The following EFHB variants were observed in gnomAD, a reference collection of about 807,000 sequenced individuals.
EFHB encodes the protein EF-hand domain family member B, also known as EF-hand domain-containing family member B.
Under a neutral mutation model 87.2 loss-of-function variants are expected in EFHB, and 91 were observed. The observed-to-expected ratio is 1.04, with a 90% confidence interval of 0.88 to 1.24. The LOEUF is 1.24. Ranked by LOEUF, EFHB falls within the 50% of genes most tolerant of loss-of-function variation. The pLI, the probability that EFHB is intolerant of heterozygous loss-of-function variation, is 0.00. For synonymous variants in EFHB, 325 were observed against 333.6 expected (o/e 0.97, Z 0.28); for missense variants, 1,084 against 998.8 (o/e 1.09, Z -1.15).
At chr3:19,926,948 C>T (rs1695652491) in intron 1 of EFHB, among the ~76,000 whole-genome samples, 1 of 152,224 alleles carries the variant, frequency 6.6e-6, no homozygotes, top group Non-Finnish European at 1.5e-5. Flanking sequence ...GCATGAGCCA[C>T]CCCGCCCGGA....
intron 5 of EFHB, among the ~76,000 whole-genome samples, chr3:19,913,138 T>C (rs572059691): frequency 6.6e-6 from 1 of 152,248 alleles, no homozygotes; most frequent in South Asian, 2.1e-4. Flanking sequence ...GAACCCCAGC[T>C]AGTATGATAC....
At position 19,888,586 on chromosome 3, in the gene EFHB, T is replaced by C; in HGVS notation, c.1791A>G (p.Leu597=). ...ATAGCTGGTCCAGGAGCTTGTCATC[T>C]AAACTCAAGTTGGCCTGGTCACAAG... ...QEACDQANLS[L]DDKLLDQLFD... The change falls in exon 10 of 13, where the codon TTA becomes TTG. Residue 597 remains leucine, a synonymous_variant. Transcript: ENST00000295824. The C allele has an allele frequency of 6.2e-7, 1 of 1,606,200 alleles. No individual in the cohort carries two copies. Among genetic ancestry groups the C allele is most frequent in the Non-Finnish European group, 8.5e-7 (1 of 1,175,982 alleles).
chr3:19,939,370 CTTTTTTTTT>C (rs147510880), intron 1 of EFHB, among the ~76,000 whole-genome samples: 27 of 64,592 alleles, frequency 4.2e-4, no homozygotes, highest in Non-Finnish European at 5.8e-4. Context: ...GTTGGGTCTC[CTTTTTTTTT>C]TTTTTTTTTT....
intron 1 of EFHB, among the ~76,000 whole-genome samples, chr3:19,946,506 T>G (rs1007623351): frequency 6.6e-6 from 1 of 152,302 alleles, no homozygotes; most frequent in Non-Finnish European, 1.5e-5. Flanking sequence ...GATTTGGCCT[T>G]CCCCGCCCCC....
At chr3:19,880,903 A>G (rs1439597579) in intron 12 of EFHB, among the ~76,000 whole-genome samples, 1 of 151,536 alleles carries the variant, frequency 6.6e-6, no homozygotes, top group African/African-American at 2.4e-5. Flanking sequence ...TTTACTATGA[A>G]GCATTCAGAA....
chr3:19,925,059 A>C (rs2929361), intron 1 of EFHB, among the ~76,000 whole-genome samples: 97,887 of 151,420 alleles, frequency 0.65, 32,183 homozygotes, highest in African/African-American at 0.73. Context: ...TCCTGGCTTA[A>C]ACGGTGAAAC....
At chr3:19,930,594 G>T (rs1307063984) in intron 1 of EFHB, among the ~76,000 whole-genome samples, 1 of 152,050 alleles carries the variant, frequency 6.6e-6, no homozygotes, top group South Asian at 2.1e-4. Context: ...AATGTCCAAA[G>T]TTAATTAATC....
chr3:19,920,436 G>T, intron 2 of EFHB, 69 bp downstream of exon 2: 1 of 1,293,230 alleles, frequency 7.7e-7, no homozygotes, highest in Non-Finnish European at 1.1e-6. Context: ...GGAACGTTGA[G>T]TTGCCTATTC....
chr3:19,910,850 AAGGC>A (rs1695039749), intron 5 of EFHB, among the ~76,000 whole-genome samples: 1 of 152,232 alleles, frequency 6.6e-6, no homozygotes, highest in Admixed American at 6.5e-5. Context: ...CAAGTCCATC[AAGGC>A]AGTACCTCTA....
intron 1 of EFHB, among the ~76,000 whole-genome samples, chr3:19,940,108 T>C (rs1406964583): frequency 1.3e-5 from 2 of 152,154 alleles, no homozygotes; most frequent in African/African-American, 4.8e-5. Context: ...TCTTTTTTTA[T>C]GAGATTACAG....
chr3:19,921,574 G>C (rs193215823), intron 1 of EFHB, among the ~76,000 whole-genome samples: 1 of 152,236 alleles, frequency 6.6e-6, no homozygotes, highest in African/African-American at 2.4e-5. Context: ...TCTAGCAACA[G>C]GGTGAGAGGC....
At chr3:19,944,669 G>C (rs1222751107) in intron 1 of EFHB, among the ~76,000 whole-genome samples, 1 of 152,144 alleles carries the variant, frequency 6.6e-6, no homozygotes, top group African/African-American at 2.4e-5. Context: ...TCATGAAGGA[G>C]GTGAAGACAA....
chr3:19,910,912 C>T (rs566645513), intron 5 of EFHB, among the ~76,000 whole-genome samples: 56 of 152,214 alleles, frequency 3.7e-4, no homozygotes, highest in Non-Finnish European at 7.6e-4. Flanking sequence ...CCCCCTAAAG[C>T]AGATACAGCT....
intron 7 of EFHB, among the ~76,000 whole-genome samples, chr3:19,899,130 G>A (rs1394429739): frequency 6.6e-6 from 1 of 152,142 alleles, no homozygotes; most frequent in Non-Finnish European, 1.5e-5. Context: ...GAGCAAGACA[G>A]ACAGACAGGA....
At chr3:19,901,700 G>C (rs1173158449) in intron 6 of EFHB, among the ~76,000 whole-genome samples, 3 of 152,174 alleles carry the variant, frequency 2.0e-5, no homozygotes, top group Non-Finnish European at 4.4e-5. Flanking sequence ...TGTAATCCCA[G>C]CACTTTGGGA....
chr3:19,881,485 G>A (rs940275490), intron 12 of EFHB, among the ~76,000 whole-genome samples: 1 of 152,158 alleles, frequency 6.6e-6, no homozygotes, highest in Non-Finnish European at 1.5e-5. Context: ...GAAACAAGCA[G>A]GAGATTTCTG....
intron 4 of EFHB, 22 bp downstream of exon 4, chr3:19,918,210 C>A (rs776763743): frequency 6.5e-7 from 1 of 1,541,058 alleles, no homozygotes; most frequent in Non-Finnish European, 8.7e-7. Context: ...CCCTTCCCAC[C>A]CCTTATTTTT....
upstream of EFHB, among the ~76,000 whole-genome samples, chr3:19,937,237 C>CT (rs570049940): frequency 6.6e-6 from 1 of 151,834 alleles, no homozygotes; most frequent in African/African-American, 2.4e-5. Context: ...CTCCTTAGTT[C>CT]TTTTTTTATG....
intron 1 of EFHB, among the ~76,000 whole-genome samples, chr3:19,945,467 G>A (rs1181779789): frequency 6.6e-6 from 1 of 152,194 alleles, no homozygotes; most frequent in Non-Finnish European, 1.5e-5. Context: ...TAGATAATTT[G>A]TTGATAGAAT....
Sources: allele counts gnomAD v4.1 joint callset (sites outside exome capture counted in the v4.1 genomes callset), GRCh38; gene constraint gnomAD v4.1.1; transcripts MANE v1.5; gene names NCBI Gene and HGNC (gene_info 2026-07-23, HGNC 2026-07-21).